Variants in TBC1D5 observed in about 807,000 individuals in gnomAD.
The protein encoded by TBC1D5 is TBC1 domain family member 5.
In TBC1D5, 75 loss-of-function variants were observed where a neutral mutation model predicts 100.3. The ratio of observed to expected loss-of-function variants is 0.75; its 90% CI spans 0.62 to 0.91. TBC1D5 has a LOEUF of 0.91. Ranked by LOEUF, TBC1D5 falls within the 40% of genes least tolerant of loss-of-function variation. The pLI is 0.00. For missense variants in TBC1D5, 910 were observed against 942.4 expected (o/e 0.97, Z 0.45); for synonymous variants, 323 against 325.6 (o/e 0.99, Z 0.09).
intron 14 of TBC1D5, among the ~76,000 whole-genome samples, chr3:17,301,642 A>G (rs1230406635): frequency 6.6e-6 from 1 of 152,224 alleles, no homozygotes; most frequent in East Asian, 1.9e-4. Flanking sequence ...AATGTAAAAT[A>G]GAGTATGACT....
chr3:17,603,109 T>C (rs2061092539), intron 2 of TBC1D5, among the ~76,000 whole-genome samples: 2 of 151,384 alleles, frequency 1.3e-5, no homozygotes, highest in Non-Finnish European at 2.9e-5. Context: ...CCAAAGAAAA[T>C]AGGTGTAAAC....
chr3:17,250,599 T>G (rs1157296212), intron 16 of TBC1D5, among the ~76,000 whole-genome samples: 1 of 152,210 alleles, frequency 6.6e-6, no homozygotes, highest in Non-Finnish European at 1.5e-5. Flanking sequence ...TTTTTCCACT[T>G]CAGAAGCTTT....
chr3:17,433,988 T>A (rs1187287326), intron 3 of TBC1D5, among the ~76,000 whole-genome samples: 2 of 152,140 alleles, frequency 1.3e-5, no homozygotes, highest in African/African-American at 4.8e-5. Context: ...ATGTCTCACA[T>A]CTATGTCACA....
intron 8 of TBC1D5, among the ~76,000 whole-genome samples, chr3:17,389,118 G>T (rs2093269930): frequency 6.6e-6 from 1 of 151,814 alleles, no homozygotes; most frequent in South Asian, 2.1e-4. Context: ...TAATGTATTT[G>T]TTAAAGAAAC....
At chr3:17,198,128 T>G (rs912543035) in intron 18 of TBC1D5, among the ~76,000 whole-genome samples, 2 of 152,240 alleles carry the variant, frequency 1.3e-5, no homozygotes, top group Non-Finnish European at 2.9e-5. Flanking sequence ...GAAAGGTAAT[T>G]GCAGAAAAGT....
intron 1 of TBC1D5, among the ~76,000 whole-genome samples, chr3:17,727,349 C>G (rs2076211830): frequency 6.6e-6 from 1 of 152,154 alleles, no homozygotes; most frequent in South Asian, 2.1e-4. Flanking sequence ...CCATTGCACT[C>G]TAGCCTGGGT....
chr3:17,721,106 G>C (rs1004764122), intron 1 of TBC1D5, among the ~76,000 whole-genome samples: 1 of 151,954 alleles, frequency 6.6e-6, no homozygotes, highest in African/African-American at 2.4e-5. Flanking sequence ...CTCCCAAAGT[G>C]CTGGGATTAC....
At chr3:17,689,740 C>A in intron 1 of TBC1D5, among the ~76,000 whole-genome samples, 1 of 152,076 alleles carries the variant, frequency 6.6e-6, no homozygotes, top group East Asian at 1.9e-4. Flanking sequence ...GAAGACACTG[C>A]CCCCAGGGGA....
chr3:17,670,531 T>G (rs57043633), intron 1 of TBC1D5, among the ~76,000 whole-genome samples: 70 of 152,270 alleles, frequency 4.6e-4, no homozygotes, highest in African/African-American at 1.7e-3. Context: ...ATAGTAGTTA[T>G]AAAATCTCAG....
intron 13 of TBC1D5, among the ~76,000 whole-genome samples, chr3:17,366,770 G>A (rs971031360): frequency 6.6e-6 from 1 of 151,868 alleles, no homozygotes; most frequent in African/African-American, 2.4e-5. Flanking sequence ...AAAAAAACTT[G>A]GCATTCAACA....
chr3:17,329,395 T>G (rs930320989), intron 13 of TBC1D5, among the ~76,000 whole-genome samples: 6 of 152,224 alleles, frequency 3.9e-5, no homozygotes, highest in Non-Finnish European at 4.4e-5. Context: ...AGGTGCCAAG[T>G]GACCTACAAC....
At chr3:17,470,964 C>T (rs552962622) in intron 3 of TBC1D5, among the ~76,000 whole-genome samples, 160 of 152,162 alleles carry the variant, frequency 1.1e-3, no homozygotes, top group Non-Finnish European at 2.0e-3. Context: ...GCAAGGAAAA[C>T]GGCTTATGAT....
rs138990131 is a variant in TBC1D5, at chr3:17,372,689, T to G, written c.823-442A>C. Among the ~76,000 whole-genome samples the G allele has an allele frequency of 6.6e-4, 101 of 152,326 alleles. 2 individuals carry two copies. Among genetic ancestry groups the G allele is most frequent in the Non-Finnish European group, 2.2e-4 (15 of 68,030 alleles). On this transcript the variant is annotated intron_variant, in intron 12 of 21. Coordinates refer to ENST00000253692, the Ensembl canonical transcript of TBC1D5. Reference sequence around the variant, plus strand: ...CAAAATGACCACTATTAAGAAATGATCAGTGTTTAAATGTGTTCAAATACT... The same window carrying G: ...CAAAATGACCACTATTAAGAAATGAGCAGTGTTTAAATGTGTTCAAATACT...
intron 1 of TBC1D5, among the ~76,000 whole-genome samples, chr3:17,697,393 C>A (rs2072303497): frequency 6.6e-6 from 1 of 152,152 alleles, no homozygotes; most frequent in Non-Finnish European, 1.5e-5. Context: ...AGCTGATAAG[C>A]AACTTCAGCA....
chr3:17,513,405 A>G (rs1216674270), intron 2 of TBC1D5, among the ~76,000 whole-genome samples: 1 of 152,160 alleles, frequency 6.6e-6, no homozygotes, highest in African/African-American at 2.4e-5. Flanking sequence ...CATTGAACAG[A>G]TAAAATAATA....
At chr3:17,477,834 A>C (rs2150254689) in intron 3 of TBC1D5, among the ~76,000 whole-genome samples, 1 of 152,076 alleles carries the variant, frequency 6.6e-6, no homozygotes, top group East Asian at 1.9e-4. Flanking sequence ...ACTGAACTGA[A>C]CTCTATTTCA....
intron 2 of TBC1D5, among the ~76,000 whole-genome samples, chr3:17,511,454 T>C (rs2095905409): frequency 6.6e-6 from 1 of 151,970 alleles, no homozygotes; most frequent in East Asian, 1.9e-4. Flanking sequence ...AATACATAAA[T>C]AAATGACTTT....
intron 3 of TBC1D5, among the ~76,000 whole-genome samples, chr3:17,460,774 G>A (rs928735476): frequency 1.1e-4 from 17 of 150,530 alleles, no homozygotes; most frequent in Admixed American, 2.0e-4. Flanking sequence ...AAAAAAAAAA[G>A]ATACTACATA....
chr3:17,671,396 G>A lies in TBC1D5; in HGVS notation c.-100-47483C>T, dbSNP rs556416282. 3.3e-5 allele frequency among the ~76,000 whole-genome samples: 5 copies of A among 152,310 alleles called. No individual in the cohort carries two copies. In the South Asian group the frequency reaches 1.0e-3, roughly 32 times the overall value. ...CAAAAAGGCAACCTAAGCACACTGA[G>A]TGACAGAGATTTTAAACCTCAAGCA... is the stretch of plus-strand genomic sequence containing the variant. On this transcript the variant is annotated intron_variant, in intron 1 of 21. Coordinates refer to ENST00000253692, the Ensembl canonical transcript of TBC1D5.
Sources: allele counts gnomAD v4.1 joint callset (sites outside exome capture counted in the v4.1 genomes callset), GRCh38; gene constraint gnomAD v4.1.1; transcripts MANE v1.5; gene names NCBI Gene and HGNC (gene_info 2026-07-23, HGNC 2026-07-21).